Variants in KAT14 observed in about 807,000 individuals in gnomAD.
KAT14 encodes cysteine-rich protein 2-binding protein.
Under a neutral mutation model 78.4 loss-of-function variants are expected in KAT14, and 66 were observed. That is an observed-to-expected ratio of 0.84 (90% CI 0.69 to 1.03). The LOEUF (loss-of-function observed/expected upper bound fraction) is 1.03. KAT14 is among the 50% of genes least tolerant of loss of function. The pLI is 0.00. For synonymous variants in KAT14, 344 were observed against 359.4 expected (o/e 0.96, Z 0.48); for missense variants, 870 against 972.5 (o/e 0.89, Z 1.40).
chr20:18,156,595 C>T (rs534461379), intron 4 of KAT14, among the ~76,000 whole-genome samples: 1 of 152,236 alleles, frequency 6.6e-6, no homozygotes, highest in East Asian at 1.9e-4. Flanking sequence ...GAAATGTATT[C>T]TAGTTCTAGA....
chr20:18,150,643 A>G (rs957546802), intron 3 of KAT14, among the ~76,000 whole-genome samples, 178 bp from the exon 4 acceptor site: 2 of 152,216 alleles, frequency 1.3e-5, no homozygotes, highest in African/African-American at 2.4e-5. Context: ...TAATCTAACG[A>G]AAGTAAAAAA....
At chr20:18,140,537 C>T (rs370789493) in intron 1 of KAT14, among the ~76,000 whole-genome samples, 12 of 152,024 alleles carry the variant, frequency 7.9e-5, no homozygotes, top group East Asian at 3.9e-4. Flanking sequence ...TGGCCAGGCA[C>T]GGTAGCTCAT....
At chr20:18,150,117 T>TAG (rs2037980354) in intron 3 of KAT14, among the ~76,000 whole-genome samples, 1 of 152,098 alleles carries the variant, frequency 6.6e-6, no homozygotes. Context: ...AAAATAAGAG[T>TAG]AGATTAGATT....
chr20:18,151,136 T>A (rs2146377382), intron 4 of KAT14, among the ~76,000 whole-genome samples, 194 bp downstream of exon 4: 1 of 152,268 alleles, frequency 6.6e-6, no homozygotes, highest in Non-Finnish European at 1.5e-5. Context: ...GTAGTCCTCC[T>A]GCATCAGCCT....
chr20:18,138,177 T>C, intron 1 of KAT14, 126 bp downstream of exon 1: 1 of 1,295,860 alleles, frequency 7.7e-7, no homozygotes, highest in Non-Finnish European at 9.8e-7. Context: ...GGCGCGGCCC[T>C]GCACCCCACG....
chr20:18,180,708 A>G (rs2039216646), intron 7 of KAT14, among the ~76,000 whole-genome samples: 1 of 152,240 alleles, frequency 6.6e-6, no homozygotes. Flanking sequence ...CTTAGTGGGC[A>G]GTGGCAAGAA....
chr20:18,139,255 A>C (rs2037427543), intron 1 of KAT14, among the ~76,000 whole-genome samples: 1 of 152,220 alleles, frequency 6.6e-6, no homozygotes, highest in South Asian at 2.1e-4. Context: ...TGGCTTTTGG[A>C]ATAGAGGCAG....
At chr20:18,151,430 C>CA (rs2038035865) in intron 4 of KAT14, among the ~76,000 whole-genome samples, 1 of 151,842 alleles carries the variant, frequency 6.6e-6, no homozygotes, top group Non-Finnish European at 1.5e-5. Context: ...CTCCTGACCA[C>CA]AAGTGATCTG....
chr20:18,163,504 C>G (rs1480650684), intron 7 of KAT14, among the ~76,000 whole-genome samples: 1 of 152,202 alleles, frequency 6.6e-6, no homozygotes, highest in Non-Finnish European at 1.5e-5. Context: ...GCCTTATTCC[C>G]TTTATCTTTG....
At chr20:18,138,582 A>C (rs1347938134) in intron 1 of KAT14, 1 of 437,284 alleles carries the variant, frequency 2.3e-6, no homozygotes, top group Non-Finnish European at 3.0e-6. Flanking sequence ...CCCCGTACTC[A>C]CTCTCCATGC....
chr20:18,186,549 C>T (rs1274626435), intron 10 of KAT14, among the ~76,000 whole-genome samples: 2 of 152,180 alleles, frequency 1.3e-5, no homozygotes, highest in Admixed American at 6.5e-5. Flanking sequence ...CTATCAACTT[C>T]AGTATTTCAG....
At chr20:18,151,684 A>C (rs1295188508) in intron 4 of KAT14, among the ~76,000 whole-genome samples, 3 of 151,906 alleles carry the variant, frequency 2.0e-5, no homozygotes, top group African/African-American at 7.3e-5. Flanking sequence ...TGAATTCCAG[A>C]GAATATTTTT....
chr20:18,187,789 C>T lies in KAT14; in HGVS notation c.*330C>T, dbSNP rs139666572. 1.5e-3 allele frequency: 483 copies of T among 320,184 alleles called. No individual in the cohort carries two copies. The highest frequency in any genetic ancestry group is 9.8e-3 in the African/African-American group (439 of 44,790). The allele number at this position is 320,184 out of a possible 1,614,324, so 19.8% of individuals were successfully genotyped here. ...CCTGATGCTCTTGGAGAGAGATAAC[C>T]TGTCTGTCATAACTTAAAGGATGAG... is the stretch of plus-strand genomic sequence containing the variant. On this transcript the variant is annotated 3_prime_UTR_variant, in exon 11 of 11. Transcript: ENST00000688188.
rs776395608 is a variant in KAT14 at position 18,187,493 on chromosome 20, A to G, written c.*34A>G. On this transcript the variant is annotated 3_prime_UTR_variant, in exon 11 of 11. Transcript: ENST00000688188. ...CAGCTCACAGAGAAACGCATGTGCT[A>G]TTGGAGAACAGGTCTTTGTGGAGAT... is the stretch of plus-strand genomic sequence containing the variant. The G allele has an allele frequency of 4.6e-5, 74 of 1,611,952 alleles. 1 individual carries two copies. The highest frequency in any genetic ancestry group is 3.3e-4 in the Middle Eastern group (2 of 6,054).
rs747841985 is a variant in KAT14 at position 18,181,842 on chromosome 20, A to G, written c.1801A>G (p.Ile601Val). ...PYTSRILKPY[I>V]RRDYETKPPK... ...TACCTCTCGGATCTTGAAACCTTAT[A>G]TCAGGTATATGGAGAACTAGAGGTG... Residue 601 changes from isoleucine to valine, a missense_variant, in exon 8 of 11, where the codon ATC (isoleucine) becomes GTC (valine). By Grantham distance (29) the Ile-to-Val change is conservative (BLOSUM62 3). Coordinates refer to ENST00000688188, the MANE Select transcript of KAT14 (RefSeq NM_001392073.1). 71 of 1,613,886 alleles carry G rather than the reference A, an allele frequency of 4.4e-5. No homozygotes were observed. Among genetic ancestry groups the G allele is most frequent in the Non-Finnish European group, 4.9e-5 (58 of 1,179,964 alleles).
chr20:18,151,452 T>C (rs1310700229), intron 4 of KAT14, among the ~76,000 whole-genome samples: 5 of 151,430 alleles, frequency 3.3e-5, no homozygotes, highest in Non-Finnish European at 5.9e-5. Flanking sequence ...CTGCCTCGGC[T>C]TCCCAAAGTG....
At chr20:18,143,735 C>T (rs2037698624) in intron 2 of KAT14, among the ~76,000 whole-genome samples, 1 of 151,008 alleles carries the variant, frequency 6.6e-6, no homozygotes, top group African/African-American at 2.4e-5. Flanking sequence ...TCAAGTGATT[C>T]TCCTGCCTCG....
intron 7 of KAT14, among the ~76,000 whole-genome samples, chr20:18,179,435 T>C (rs1277928703): frequency 6.6e-6 from 1 of 152,226 alleles, no homozygotes; most frequent in Non-Finnish European, 1.5e-5. Context: ...CCATACATCT[T>C]CTGAAATCTA....
intron 3 of KAT14, among the ~76,000 whole-genome samples, chr20:18,147,670 C>T (rs1448471773): frequency 6.6e-5 from 10 of 152,142 alleles, no homozygotes; most frequent in Non-Finnish European, 1.2e-4. Context: ...CTGCAACCTC[C>T]GCCTCCCAGG....
Sources: gnomAD v4.1 joint callset for allele counts (sites outside exome capture counted in the v4.1 genomes callset) on GRCh38, gnomAD v4.1.1 for gene constraint, MANE v1.5 for transcripts, NCBI Gene and HGNC (gene_info 2026-07-23, HGNC 2026-07-21) for gene names.